Variants in KIF6 observed in about 807,000 individuals in gnomAD.
KIF6 encodes kinesin family member 6.
In KIF6, 106 loss-of-function variants were observed where a neutral mutation model predicts 112.7. The ratio of observed to expected loss-of-function variants is 0.94; its 90% CI spans 0.80 to 1.11. The LOEUF is 1.11. KIF6 is among the 50% of genes least tolerant of loss of function. The pLI is 0.00. For missense variants in KIF6, 929 were observed against 964.0 expected (o/e 0.96, Z 0.48); for synonymous variants, 339 against 339.9 (o/e 1.00, Z 0.03).
intron 13 of KIF6, among the ~76,000 whole-genome samples, chr6:39,532,559 T>C (rs139681599): frequency 6.6e-6 from 1 of 152,292 alleles, no homozygotes; most frequent in Admixed American, 6.5e-5. Context: ...AACAGCAAGT[T>C]TGGTTTCCTG....
chr6:39,710,056 T>G (rs1430332437), intron 3 of KIF6, among the ~76,000 whole-genome samples: 2 of 152,108 alleles, frequency 1.3e-5, no homozygotes, highest in Admixed American at 6.6e-5. Flanking sequence ...AAAAAGTGAT[T>G]CCCTCCCCAG....
intron 6 of KIF6, among the ~76,000 whole-genome samples, chr6:39,599,515 A>G (rs749655027): frequency 2.0e-5 from 3 of 152,236 alleles, no homozygotes; most frequent in South Asian, 4.1e-4. Context: ...TTGACCCATT[A>G]CTTGTTGCCA....
At chr6:39,619,386 T>A (rs985975002) in intron 5 of KIF6, among the ~76,000 whole-genome samples, 41 of 152,202 alleles carry the variant, frequency 2.7e-4, no homozygotes, top group Non-Finnish European at 4.7e-4. Flanking sequence ...CCTAAGGTTA[T>A]CCTGCTACCA....
chr6:39,364,834 C>G (rs1167142757), intron 16 of KIF6, among the ~76,000 whole-genome samples: 1 of 151,244 alleles, frequency 6.6e-6, no homozygotes. Flanking sequence ...GGATGTGAAC[C>G]CATTTGTTTT....
chr6:39,443,182 G>A (rs1772065017), intron 13 of KIF6, among the ~76,000 whole-genome samples: 2 of 148,022 alleles, frequency 1.4e-5, no homozygotes, highest in African/African-American at 5.0e-5. Context: ...AAAAAAGAAA[G>A]AGGCTCCAGA....
Position 39,532,254 on chromosome 6 carries a change from T to C in KIF6, c.1645+7749A>G, listed in dbSNP as rs372335957. Among the ~76,000 whole-genome samples the C allele has an allele frequency of 1.0e-3, 152 of 152,230 alleles. 1 individual carries two copies. The highest frequency in any genetic ancestry group is 3.5e-3 in the African/African-American group (146 of 41,556). The stretch of plus-strand genomic sequence containing the variant: ...TAATATGGAATAAAACAAGAACTTA[T>C]AGGATAAAGATTAAATGAGTTAATC... On this transcript the variant is annotated intron_variant, in intron 13 of 22. Coordinates refer to ENST00000287152, the MANE Select transcript of KIF6 (RefSeq NM_145027.6).
intron 3 of KIF6, among the ~76,000 whole-genome samples, chr6:39,647,603 G>T (rs181177451): frequency 6.6e-6 from 1 of 152,160 alleles, no homozygotes; most frequent in East Asian, 1.9e-4. Flanking sequence ...ACTAGAGGCC[G>T]TATCCCCTGC....
intron 3 of KIF6, chr6:39,690,865 G>GT (rs370029547): frequency 1.1e-4 from 17 of 152,390 alleles, no homozygotes; most frequent in Non-Finnish European, 2.2e-4. Context: ...CCACAGAAGA[G>GT]TGTCCTCTGC....
chr6:39,642,548 T>C (rs975788956), intron 3 of KIF6, among the ~76,000 whole-genome samples: 8 of 152,218 alleles, frequency 5.3e-5, no homozygotes, highest in South Asian at 2.1e-4. Flanking sequence ...GCTCCACTCA[T>C]GGTACTTGTC....
chr6:39,395,786 C>T (rs1049565575), intron 15 of KIF6, among the ~76,000 whole-genome samples: 1 of 152,134 alleles, frequency 6.6e-6, no homozygotes, highest in South Asian at 2.1e-4. Context: ...GCACTGGAGG[C>T]TAGTTTGTAG....
Position 39,725,324 on chromosome 6 carries a change from C to T in KIF6, c.-14G>A. ...CTGCTTCACCATCTCCTCCCTGGCT[C>T]TGCAATGACCCTTGACCTCTCTCAG... On this transcript the variant is annotated 5_prime_UTR_variant, in exon 1 of 23. Transcript: ENST00000287152. 6.2e-7 allele frequency: 1 copy of T among 1,604,806 alleles called. No individual in the cohort carries two copies. The highest frequency in any genetic ancestry group is 8.5e-7 in the Non-Finnish European group (1 of 1,175,924).
At chr6:39,530,202 T>G (rs1291431354) in intron 13 of KIF6, among the ~76,000 whole-genome samples, 1 of 152,186 alleles carries the variant, frequency 6.6e-6, no homozygotes, top group African/African-American at 2.4e-5. Context: ...GAGGAGGAGA[T>G]AAGGGTCTGG....
intron 3 of KIF6, among the ~76,000 whole-genome samples, chr6:39,659,032 C>T (rs1428357149): frequency 2.0e-5 from 3 of 152,188 alleles, no homozygotes; most frequent in Non-Finnish European, 4.4e-5. Flanking sequence ...TCCACAATTG[C>T]TCCTAATAAC....
intron 5 of KIF6, 78 bp from the exon 6 acceptor site, chr6:39,613,396 A>C (rs1783331242): frequency 8.5e-7 from 1 of 1,181,386 alleles, no homozygotes; most frequent in African/African-American, 1.6e-5. Context: ...AGGCTTTTAA[A>C]AAGCTGTATA....
chr6:39,437,312 A>G (rs755642691), intron 13 of KIF6, among the ~76,000 whole-genome samples: 1 of 152,180 alleles, frequency 6.6e-6, no homozygotes, highest in Non-Finnish European at 1.5e-5. Flanking sequence ...ATCATTGGCA[A>G]ACAGTGATAG....
intron 15 of KIF6, among the ~76,000 whole-genome samples, chr6:39,415,353 C>T (rs1012112451): frequency 2.7e-5 from 4 of 146,726 alleles, no homozygotes; most frequent in Non-Finnish European, 6.0e-5. Context: ...AAATACATCC[C>T]GACAACACAG....
At chr6:39,587,339 C>T (rs1037163519) in intron 7 of KIF6, among the ~76,000 whole-genome samples, 1 of 152,196 alleles carries the variant, frequency 6.6e-6, no homozygotes, top group African/African-American at 2.4e-5. Context: ...CTAGTCCTCC[C>T]TCCTTCCAGG....
intron 15 of KIF6, among the ~76,000 whole-genome samples, chr6:39,408,380 G>A (rs951895213): frequency 5.3e-5 from 8 of 152,066 alleles, no homozygotes; most frequent in East Asian, 3.9e-4. Context: ...CTCATCTATC[G>A]CAAAGAAACA....
intron 13 of KIF6, among the ~76,000 whole-genome samples, chr6:39,454,187 C>T (rs2150411570): frequency 6.6e-6 from 1 of 152,090 alleles, no homozygotes; most frequent in Non-Finnish European, 1.5e-5. Flanking sequence ...CTTTAAGCTT[C>T]AGACACTTTT....
Sources: gnomAD v4.1 joint callset for allele counts (sites outside exome capture counted in the v4.1 genomes callset) on GRCh38, gnomAD v4.1.1 for gene constraint, MANE v1.5 for transcripts, NCBI Gene and HGNC (gene_info 2026-07-23, HGNC 2026-07-21) for gene names.